Variants in KIAA0825 observed in about 807,000 individuals in gnomAD.
KIAA0825 encodes the protein KIAA0825.
Under a neutral mutation model 147.6 loss-of-function variants are expected in KIAA0825, and 119 were observed. The ratio of observed to expected loss-of-function variants is 0.81; its 90% CI spans 0.69 to 0.94. The LOEUF (loss-of-function observed/expected upper bound fraction) is 0.94, where lower values mean the gene tolerates loss of function less well. Among genes scored for constraint, KIAA0825 ranks in the 40% least tolerant of loss-of-function variants. The probability of loss-of-function intolerance (pLI) is 0.00; values close to 1 mark genes in which losing one functional copy is unlikely to be tolerated. For synonymous variants in KIAA0825, 470 were observed against 518.1 expected, an observed-to-expected ratio of 0.91 and a Z score of 1.26; for missense variants, 1,381 against 1,472.7, an observed-to-expected ratio of 0.94 and a Z score of 1.02.
chr5:94,378,372 T>C (rs1584311386), intron 20 of KIAA0825, among the ~76,000 whole-genome samples: 1 of 152,212 alleles, frequency 6.6e-6, no homozygotes, highest in African/African-American at 2.4e-5. Flanking sequence ...TTTCTGTTCC[T>C]GTATAAGTTT....
At chr5:94,455,399 C>G (rs1012360933) in intron 12 of KIAA0825, among the ~76,000 whole-genome samples, 16 of 152,116 alleles carry the variant, frequency 1.1e-4, no homozygotes, top group Admixed American at 7.2e-4. Context: ...GTATGGAGGA[C>G]CCTGCCCATG....
At chr5:94,267,527 C>G (rs1466481079) in intron 20 of KIAA0825, among the ~76,000 whole-genome samples, 1 of 152,156 alleles carries the variant, frequency 6.6e-6, no homozygotes, top group Non-Finnish European at 1.5e-5. Context: ...GAAAGACCCA[C>G]TCAGTGGTAA....
intron 13 of KIAA0825, among the ~76,000 whole-genome samples, chr5:94,447,302 G>GA (rs1757851289): frequency 6.6e-6 from 1 of 151,948 alleles, no homozygotes; most frequent in East Asian, 1.9e-4. Flanking sequence ...TGATCATCAA[G>GA]AAAAAAGGTT....
chr5:94,192,791 G>T (rs545974016), intron 20 of KIAA0825, among the ~76,000 whole-genome samples: 72 of 152,104 alleles, frequency 4.7e-4, no homozygotes, highest in Middle Eastern at 6.8e-3. Flanking sequence ...TTCCCCTCAG[G>T]TACACTCTCC....
intron 20 of KIAA0825, among the ~76,000 whole-genome samples, chr5:94,295,344 C>G (rs900124431): frequency 2.6e-5 from 4 of 152,158 alleles, no homozygotes; most frequent in South Asian, 2.1e-4. Flanking sequence ...AGGTTATTAG[C>G]TTCCCTGCAT....
chr5:94,507,769 C>G (rs1299051844), intron 5 of KIAA0825, among the ~76,000 whole-genome samples: 1 of 150,082 alleles, frequency 6.7e-6, no homozygotes, highest in African/African-American at 2.4e-5. Context: ...GTTCTGAACA[C>G]AGAATTACGG....
intron 20 of KIAA0825, among the ~76,000 whole-genome samples, chr5:94,333,432 G>GTT (rs35532401): frequency 6.6e-6 from 1 of 152,036 alleles, no homozygotes; most frequent in African/African-American, 2.4e-5. Context: ...TTCAGTATCG[G>GTT]TTTTTTTGCA....
rs543618253 is a variant in KIAA0825, at chr5:94,614,952, T to C, written c.-153+3548A>G. ...AGCAATTGTGTATCAGACAACACGT[T>C]TGAGGCTTTATAAGTCAACCCACTT... On this transcript the variant is annotated intron_variant, in intron 1 of 20. Transcript: ENST00000682413. Among the ~76,000 whole-genome samples the C allele has an allele frequency of 3.9e-5, 6 of 152,268 alleles. No individual in the cohort carries two copies. In the East Asian group the frequency reaches 1.2e-3, roughly 29 times the overall value.
At chr5:94,284,649 A>G (rs1777590092) in intron 20 of KIAA0825, among the ~76,000 whole-genome samples, 1 of 152,140 alleles carries the variant, frequency 6.6e-6, no homozygotes, top group Non-Finnish European at 1.5e-5. Flanking sequence ...AAGTACTACT[A>G]TGCACTAGTC....
At chr5:94,263,556 T>C (rs1459014067) in intron 20 of KIAA0825, among the ~76,000 whole-genome samples, 1 of 152,144 alleles carries the variant, frequency 6.6e-6, no homozygotes, top group Non-Finnish European at 1.5e-5. Flanking sequence ...GAGTGTATGT[T>C]TTAGTCCTGA....
At chr5:94,214,796 C>T (rs1773055172) in intron 20 of KIAA0825, among the ~76,000 whole-genome samples, 1 of 152,208 alleles carries the variant, frequency 6.6e-6, no homozygotes, top group African/African-American at 2.4e-5. Context: ...CCCTTCAAAT[C>T]ATATTGCCCA....
intron 20 of KIAA0825, among the ~76,000 whole-genome samples, chr5:94,200,558 A>G (rs1771571815): frequency 6.6e-6 from 1 of 151,748 alleles, no homozygotes; most frequent in Non-Finnish European, 1.5e-5. Flanking sequence ...ATGCTTATAG[A>G]ACTAGGCAAA....
chr5:94,365,836 G>A (rs1745772152), intron 20 of KIAA0825, among the ~76,000 whole-genome samples: 1 of 152,220 alleles, frequency 6.6e-6, no homozygotes, highest in Non-Finnish European at 1.5e-5. Flanking sequence ...TGTTTTAGGA[G>A]TCACGCAGCT....
intron 20 of KIAA0825, among the ~76,000 whole-genome samples, chr5:94,378,745 T>G (rs774629912): frequency 2.0e-5 from 3 of 152,260 alleles, no homozygotes; most frequent in Non-Finnish European, 4.4e-5. Context: ...CATTCCCTTT[T>G]CTTCATAATC....
intron 1 of KIAA0825, among the ~76,000 whole-genome samples, chr5:94,610,789 A>AAAAAAAAAAAG (rs1318549620): frequency 1.3e-5 from 1 of 78,582 alleles, no homozygotes; most frequent in Non-Finnish European, 2.6e-5. Context: ...AAAAAAAAGT[A>AAAAAAAAAAAG]TATATATATA....
At chr5:94,437,333 CAATT>C (rs1756507631) in intron 14 of KIAA0825, among the ~76,000 whole-genome samples, 1 of 152,076 alleles carries the variant, frequency 6.6e-6, no homozygotes, top group Non-Finnish European at 1.5e-5. Flanking sequence ...GTAGGTCAAT[CAATT>C]GATCAGTAAA....
chr5:94,378,440 C>CT (rs1251374074), intron 20 of KIAA0825, among the ~76,000 whole-genome samples: 1 of 152,180 alleles, frequency 6.6e-6, no homozygotes, highest in Non-Finnish European at 1.5e-5. Flanking sequence ...TGATCTTATT[C>CT]TTTTTTATGG....
At chr5:94,276,545 TG>T (rs1002611141) in intron 20 of KIAA0825, among the ~76,000 whole-genome samples, 1 of 151,944 alleles carries the variant, frequency 6.6e-6, no homozygotes, top group Admixed American at 6.6e-5. Flanking sequence ...TAATATCAGA[TG>T]GGGGCGTACC....
chr5:94,227,261 A>G (rs1013178476), intron 20 of KIAA0825, among the ~76,000 whole-genome samples: 2 of 151,926 alleles, frequency 1.3e-5, no homozygotes, highest in African/African-American at 4.8e-5. Context: ...CATGGATGAA[A>G]TTGGAAATCA....
Sources: allele counts gnomAD v4.1 joint callset (sites outside exome capture counted in the v4.1 genomes callset), GRCh38; gene constraint gnomAD v4.1.1; transcripts MANE v1.5; gene names NCBI Gene and HGNC (gene_info 2026-07-23, HGNC 2026-07-21).